ZNF875: variants seen among roughly 807,000 people sequenced by gnomAD.
ZNF875 encodes the protein HKR1, GLI-Kruppel zinc finger family member.
A neutral mutation model predicts 11.2 loss-of-function variants in ZNF875; 14 were observed. That is an observed-to-expected ratio of 1.26 (90% CI 0.83 to 1.96). ZNF875 has a LOEUF of 1.96. Ranked by LOEUF, ZNF875 falls within the 30% of genes most tolerant of loss-of-function variation. ZNF875 has a pLI of 0.00. For synonymous variants in ZNF875, 301 were observed against 281.1 expected (o/e 1.07, Z -0.71); for missense variants, 752 against 760.4 (o/e 0.99, Z 0.13).
upstream of ZNF875, among the ~76,000 whole-genome samples, chr19:37,334,252 C>T (rs2033828408): frequency 6.6e-6 from 1 of 152,188 alleles, no homozygotes; most frequent in African/African-American, 2.4e-5. Flanking sequence ...CTCCCTGAGC[C>T]GCGTCTGTCC....
intron 2 of ZNF875, among the ~76,000 whole-genome samples, chr19:37,340,104 T>A (rs2035373588): frequency 6.6e-6 from 1 of 152,102 alleles, no homozygotes; most frequent in Non-Finnish European, 1.5e-5. Context: ...TGCCTCAGCC[T>A]CCCAAGTAGC....
intron 2 of ZNF875, among the ~76,000 whole-genome samples, chr19:37,336,163 C>T (rs2034349580): frequency 6.6e-6 from 1 of 152,108 alleles, no homozygotes; most frequent in Non-Finnish European, 1.5e-5. Context: ...TCAATTGCCC[C>T]TGACTGGTTT....
chr19:37,314,027 A>T (rs1222932846), upstream of ZNF875, among the ~76,000 whole-genome samples: 1 of 151,976 alleles, frequency 6.6e-6, no homozygotes, highest in African/African-American at 2.4e-5. Context: ...TTATTTATTT[A>T]TTTATTTTGG....
At chr19:37,334,839 C>T in intron 1 of ZNF875, 57 bp downstream of exon 1, 3 of 459,574 alleles carry the variant, frequency 6.5e-6, no homozygotes, top group South Asian at 4.7e-5. Flanking sequence ...GTTACGGGGA[C>T]GCCGGCTGGG....
rs56256521 is a variant in ZNF875, at chr19:37,319,369, A to ATATATATG, written c.-747+1183_-747+1184insTATATATG. Among the ~76,000 whole-genome samples, 2 of 139,958 alleles carry ATATATATG rather than the reference A, an allele frequency of 1.4e-5. 1 individual carries two copies. The highest frequency in any genetic ancestry group is 4.6e-4 in the South Asian group (2 of 4,340). 91.8% of individuals were successfully genotyped at this position (139,958 alleles called of 152,430 possible). On this transcript the variant is annotated intron_variant, in intron 1 of 5. Transcript: ENST00000544914. ...CATATATATATATATATATATATAT[A>ATATATATG]ATAAAAATGGTAATGACACTATCTC...
chr19:37,349,282 G>A (rs991672417), intron 4 of ZNF875, among the ~76,000 whole-genome samples: 25 of 152,256 alleles, frequency 1.6e-4, no homozygotes, highest in Non-Finnish European at 2.4e-4. Context: ...TTAGGGGTTT[G>A]GACTCCAATA....
At chr19:37,344,426 A>G (rs2036373484) in intron 2 of ZNF875, among the ~76,000 whole-genome samples, 1 of 152,130 alleles carries the variant, frequency 6.6e-6, no homozygotes, top group South Asian at 2.1e-4. Context: ...ACACACATTG[A>G]GCCAGTGCAC....
intron 1 of ZNF875, among the ~76,000 whole-genome samples, chr19:37,321,611 T>C (rs1176155707): frequency 6.6e-6 from 1 of 152,146 alleles, no homozygotes; most frequent in Non-Finnish European, 1.5e-5. Context: ...CTGTGTCTCT[T>C]TCTTTTCTCA....
rs761324142 is a variant in ZNF875 at position 37,362,692 on chromosome 19, G to A, written c.840G>A (p.Lys280=). The A allele has an allele frequency of 2.7e-5, 44 of 1,613,258 alleles. No individual in the cohort carries two copies. The highest frequency in any genetic ancestry group is 6.7e-5 in the Admixed American group (4 of 59,946). The change falls in exon 5 of 5, where the codon AAG becomes AAA. Residue 280 remains lysine, a synonymous_variant. Coordinates refer to ENST00000392153, the MANE Select transcript of ZNF875 (RefSeq NM_001353803.2). ...ACCCAAGGACACACTCTGGGGGAAAGCCTTATGTGTGCAGGGAATGTGGGC... is the reference window on the plus strand; with the variant it reads ...ACCCAAGGACACACTCTGGGGGAAAACCTTATGTGTGCAGGGAATGTGGGC... ...IKNPRTHSGG[K]PYVCRECGRG...
upstream of ZNF875, among the ~76,000 whole-genome samples, chr19:37,333,330 G>A (rs181810004): frequency 1.3e-5 from 2 of 151,210 alleles, no homozygotes; most frequent in African/African-American, 4.9e-5. Context: ...CCTGACTGTG[G>A]TTCCCACTGA....
chr19:37,323,310 C>T (rs558932097), intron 2 of ZNF875, among the ~76,000 whole-genome samples: 6 of 152,148 alleles, frequency 3.9e-5, no homozygotes, highest in African/African-American at 1.2e-4. Context: ...CCCACCACCA[C>T]GCCTGGCTAA....
At chr19:37,329,342 G>A (rs1485104581) in intron 4 of ZNF875, among the ~76,000 whole-genome samples, 1 of 152,182 alleles carries the variant, frequency 6.6e-6, no homozygotes, top group East Asian at 1.9e-4. Flanking sequence ...GGTGGCCCAG[G>A]CTGTGATTTG....
intron 4 of ZNF875, among the ~76,000 whole-genome samples, chr19:37,355,495 G>A (rs539295114): frequency 3.6e-4 from 55 of 152,242 alleles, no homozygotes; most frequent in African/African-American, 9.1e-4. Context: ...GCCTGTAAGT[G>A]TTTGTTTCTG....
chr19:37,358,106 T>C, intron 4 of ZNF875: 1 of 384,434 alleles, frequency 2.6e-6, no homozygotes, highest in East Asian at 3.7e-5. Context: ...TTTTATCCGA[T>C]GCTTTTTTTA....
At chr19:37,347,560 T>C in intron 3 of ZNF875, 1 of 612,268 alleles carries the variant, frequency 1.6e-6, no homozygotes, top group Non-Finnish European at 2.9e-6. Flanking sequence ...TTTATTTTGC[T>C]TCAAACCCAG....
chr19:37,318,447 A>G (rs1451979324), intron 1 of ZNF875, among the ~76,000 whole-genome samples: 1 of 152,130 alleles, frequency 6.6e-6, no homozygotes, highest in Non-Finnish European at 1.5e-5. Flanking sequence ...TGTTGTTGCT[A>G]ATCAAACCAA....
In ZNF875 at chr19:37,362,494, A is replaced by T. The variant is rs1391974319; in HGVS notation, c.642A>T (p.Val214=). 6.2e-7 allele frequency: 1 copy of T among 1,614,238 alleles called. No individual in the cohort carries two copies. The highest frequency in any genetic ancestry group is 1.7e-5 in the Admixed American group (1 of 60,032). Residue 214 remains valine, a synonymous_variant, in exon 5 of 5, where the codon GTA becomes GTT. Transcript: ENST00000392153. ...CAGATCTAGAGGAAACAGACAAAGTATTGCATGGTTTAGAAGTCTCAGGAT... is the reference window on the plus strand; with the variant it reads ...CAGATCTAGAGGAAACAGACAAAGTTTTGCATGGTTTAGAAGTCTCAGGAT... ...RRADLEETDK[V]LHGLEVSGFG...
intron 2 of ZNF875, among the ~76,000 whole-genome samples, chr19:37,342,548 G>C: frequency 6.6e-6 from 1 of 151,998 alleles, no homozygotes; most frequent in East Asian, 1.9e-4. Flanking sequence ...GAGTAGCTGG[G>C]ATTACAGGCA....
At chr19:37,356,996 T>C (rs1213323425) in intron 4 of ZNF875, among the ~76,000 whole-genome samples, 1 of 152,200 alleles carries the variant, frequency 6.6e-6, no homozygotes, top group Non-Finnish European at 1.5e-5. Context: ...TGAGTTGATT[T>C]GTGTATATGA....
Sources: gnomAD v4.1 joint callset for allele counts (sites outside exome capture counted in the v4.1 genomes callset) on GRCh38, gnomAD v4.1.1 for gene constraint, MANE v1.5 for transcripts, NCBI Gene and HGNC (gene_info 2026-07-23, HGNC 2026-07-21) for gene names.